Variants in GALNT2 observed in about 807,000 individuals in gnomAD.
GALNT2 encodes polypeptide N-acetylgalactosaminyltransferase 2.
In GALNT2, 31 loss-of-function variants were observed where a neutral mutation model predicts 81.4. The observed-to-expected ratio is 0.38, with a 90% confidence interval of 0.29 to 0.51. The LOEUF (loss-of-function observed/expected upper bound fraction) is 0.51. Among genes scored for constraint, GALNT2 ranks in the 20% least tolerant of loss-of-function variants. The pLI, the probability that GALNT2 is intolerant of heterozygous loss-of-function variation, is 0.87. For synonymous variants in GALNT2, 303 were observed against 287.4 expected, an observed-to-expected ratio of 1.05 and a Z score of -0.55; for missense variants, 629 against 765.7, an observed-to-expected ratio of 0.82 and a Z score of 2.11.
At chr1:230,256,445 CAA>C (rs35831707) in intron 11 of GALNT2, among the ~76,000 whole-genome samples, 115 of 108,416 alleles carry the variant, frequency 1.1e-3, no homozygotes, top group Middle Eastern at 4.9e-3. Flanking sequence ...GACTCTGTCT[CAA>C]AAAAAAAAAA....
intron 3 of GALNT2, among the ~76,000 whole-genome samples, chr1:230,211,321 C>A (rs1173717555): frequency 6.6e-6 from 1 of 152,158 alleles, no homozygotes; most frequent in African/African-American, 2.4e-5. Context: ...CAGGTGGGGA[C>A]AGGCGCTTCT....
At chr1:230,211,996 TG>T (rs1664248433) in intron 3 of GALNT2, among the ~76,000 whole-genome samples, 1 of 152,044 alleles carries the variant, frequency 6.6e-6, no homozygotes, top group African/African-American at 2.4e-5. Context: ...GGTTGGAACA[TG>T]TTTGGGGAGA....
At chr1:230,199,112 T>TTA (rs1447515109) in intron 2 of GALNT2, among the ~76,000 whole-genome samples, 1 of 152,196 alleles carries the variant, frequency 6.6e-6, no homozygotes, top group Non-Finnish European at 1.5e-5. Flanking sequence ...AGAACTATTT[T>TTA]TAAAGATTTT....
rs116785319 is a variant in GALNT2 at position 230,248,792 on chromosome 1, A to G, written c.818-392A>G. ...CTTCCCCTGGGGCAGTGTTGGAGGT[A>G]CCACGGCTTGATTTTCATGTTGGAT... On this transcript the variant is annotated intron_variant, in intron 8 of 15. Coordinates refer to ENST00000366672, the MANE Select transcript of GALNT2 (RefSeq NM_004481.5). Among the ~76,000 whole-genome samples, 829 of 152,294 alleles carry G rather than the reference A, an allele frequency of 5.4e-3. 7 individuals carry two copies. The highest frequency in any genetic ancestry group is 0.019 in the African/African-American group (791 of 41,564).
chr1:230,191,406 C>T (rs1265490113), intron 2 of GALNT2, among the ~76,000 whole-genome samples: 4 of 152,216 alleles, frequency 2.6e-5, no homozygotes, highest in Admixed American at 1.3e-4. Flanking sequence ...ATCATGATGT[C>T]TGAATATTTG....
chr1:230,096,257 C>T (rs763762939), intron 1 of GALNT2, among the ~76,000 whole-genome samples: 3 of 152,208 alleles, frequency 2.0e-5, no homozygotes, highest in Non-Finnish European at 4.4e-5. Flanking sequence ...ATTCTAGTTA[C>T]TGAACCAAAG....
At chr1:230,072,517 G>A (rs1659406826) in intron 1 of GALNT2, among the ~76,000 whole-genome samples, 1 of 152,292 alleles carries the variant, frequency 6.6e-6, no homozygotes, top group East Asian at 1.9e-4. Flanking sequence ...CAGAATTCAC[G>A]TGATGAGAAA....
rs1341087754 is a variant in GALNT2, at chr1:230,275,254, A to C, written c.1560+690A>C. Among the ~76,000 whole-genome samples the C allele has an allele frequency of 6.6e-6, 1 of 151,712 alleles. No homozygotes were observed. Among genetic ancestry groups the C allele is most frequent in the African/African-American group, 2.4e-5 (1 of 41,260 alleles). ...GCATATGTAAACACCGCATATATAC[A>C]TATATACACACCACATGTATACGTA... On this transcript the variant is annotated intron_variant, in intron 15 of 15. Transcript: ENST00000366672. This position sits in a 1 kb window ranked among gnomAD's most constrained non-coding sequence, Gnocchi z 5.5.
chr1:230,091,880 A>G lies in GALNT2; in HGVS notation c.126+24474A>G, dbSNP rs549294153. 3.3e-5 allele frequency: 5 copies of G among 152,344 alleles called. No individual in the cohort carries two copies. In the East Asian group the frequency reaches 9.6e-4, roughly 29 times the overall value. The allele number at this position is 152,344 out of a possible 1,614,324, so 9.4% of individuals were successfully genotyped here. A position where few individuals can be genotyped will look rare whatever the true frequency, so the allele number is the denominator to read the frequency against. On this transcript the variant is annotated intron_variant, in intron 1 of 15. Transcript: ENST00000366672. ...GCCCTTTGGCTACGCTTCTAAGGTT[A>G]AGTCTAACCGGTTCCCTCAGGCCTA...
chr1:230,249,365 G>A, intron 9 of GALNT2, 94 bp downstream of exon 9: 1 of 1,055,988 alleles, frequency 9.5e-7, no homozygotes, highest in Admixed American at 2.2e-5. Flanking sequence ...ACCCAGTGGG[G>A]GCTGTTCACC....
At chr1:230,163,076 C>G (rs1303764962) in intron 1 of GALNT2, among the ~76,000 whole-genome samples, 2 of 152,130 alleles carry the variant, frequency 1.3e-5, no homozygotes, top group Non-Finnish European at 2.9e-5. Context: ...CTCCTTGACC[C>G]CTGCATTTCT....
At chr1:230,153,803 C>G (rs79613204) in intron 1 of GALNT2, among the ~76,000 whole-genome samples, 6,809 of 152,280 alleles carry the variant, frequency 0.045, 613 homozygotes, top group East Asian at 0.42. Flanking sequence ...CTGGCGTGGC[C>G]TCGGGGGCCC....
intron 10 of GALNT2, among the ~76,000 whole-genome samples, chr1:230,253,507 C>G (rs1310119403): frequency 1.3e-5 from 2 of 152,202 alleles, no homozygotes; most frequent in Non-Finnish European, 2.9e-5. Context: ...AGTGACTGCA[C>G]ACTCTGTAGA....
chr1:230,265,368 G>C lies in GALNT2; in HGVS notation c.1440+1G>C. On this transcript the variant is annotated splice_donor_variant, in intron 14 of 15. Transcript: ENST00000366672. LOFTEE classifies it high-confidence loss of function. ...ATGTCACAATGCTGGGGGAAACCAG[G>C]TATGTGCATGGGGAAGCCAGGTCAC... The C allele has an allele frequency of 6.2e-7, 1 of 1,614,226 alleles. No homozygotes were observed. The highest frequency in any genetic ancestry group is 2.2e-5 in the East Asian group (1 of 44,894).
chr1:230,232,510 A>G (rs999996353), intron 3 of GALNT2, among the ~76,000 whole-genome samples: 5 of 152,166 alleles, frequency 3.3e-5, no homozygotes, highest in Admixed American at 2.0e-4. Context: ...TAGCATGAAA[A>G]AATGCTGCCT....
rs771019004 is a variant in GALNT2 at position 230,137,886 on chromosome 1, A to G, written c.127-40332A>G. Reference sequence around the variant, plus strand: ...TTTCTGTTGACGTTGTTGGAAATAGAGATTTCCTTCAAGTCTTTAAACAGC... The same window carrying G: ...TTTCTGTTGACGTTGTTGGAAATAGGGATTTCCTTCAAGTCTTTAAACAGC... On this transcript the variant is annotated intron_variant, in intron 1 of 15. Coordinates refer to ENST00000366672, the MANE Select transcript of GALNT2 (RefSeq NM_004481.5). 9.5e-4 allele frequency among the ~76,000 whole-genome samples: 144 copies of G among 152,338 alleles called. 2 individuals are homozygous for G. In the Middle Eastern group the frequency reaches 0.01, roughly 11 times the overall value.
chr1:230,216,545 C>G (rs562550791), intron 3 of GALNT2, among the ~76,000 whole-genome samples: 1 of 152,318 alleles, frequency 6.6e-6, no homozygotes, highest in Middle Eastern at 3.4e-3. Flanking sequence ...CTCAAGCCAT[C>G]CCCCTGAGTA....
chr1:230,249,883 TTACA>T (rs1346033317), intron 9 of GALNT2, among the ~76,000 whole-genome samples: 2 of 152,336 alleles, frequency 1.3e-5, no homozygotes, highest in African/African-American at 4.8e-5. Flanking sequence ...TCCCAGCACT[TTACA>T]CTGAATTCGC....
intron 6 of GALNT2, among the ~76,000 whole-genome samples, chr1:230,240,244 T>C (rs1665158247): frequency 6.6e-6 from 1 of 152,252 alleles, no homozygotes; most frequent in African/African-American, 2.4e-5. Context: ...TATTGGAGGC[T>C]ATTTTCTTTC....
Sources: allele counts gnomAD v4.1 joint callset (sites outside exome capture counted in the v4.1 genomes callset), GRCh38; gene constraint gnomAD v4.1.1; non-coding constraint Gnocchi (gnomAD v3.1); transcripts MANE v1.5; gene names NCBI Gene and HGNC (gene_info 2026-07-23, HGNC 2026-07-21).